The following KATNAL2 variants were observed in gnomAD, a reference collection of about 807,000 sequenced individuals.
KATNAL2 encodes the protein katanin catalytic subunit A1 like 2.
A neutral mutation model predicts 76.3 loss-of-function variants in KATNAL2; 52 were observed. That is an observed-to-expected ratio of 0.68 (90% confidence interval 0.55 to 0.86). The LOEUF (loss-of-function observed/expected upper bound fraction) is 0.86, where lower values mean the gene tolerates loss of function less well. Ranked by LOEUF, KATNAL2 falls within the 40% of genes least tolerant of loss-of-function variation. The probability of loss-of-function intolerance (pLI) is 0.00; values close to 1 mark genes in which losing one functional copy is unlikely to be tolerated. For missense variants in KATNAL2, 660 were observed against 668.9 expected (o/e 0.99, Z 0.15); for synonymous variants, 243 against 244.2 (o/e 1.00, Z 0.05).
chr18:47,084,248 C>T, intron 15 of KATNAL2: 1 of 677,880 alleles, frequency 1.5e-6, no homozygotes, highest in East Asian at 2.7e-5. Flanking sequence ...TACATGAACC[C>T]TCTCCTGCTG....
intron 1 of KATNAL2, among the ~76,000 whole-genome samples, chr18:46,929,981 G>A (rs1259680667): frequency 6.6e-6 from 1 of 152,006 alleles, no homozygotes; most frequent in Non-Finnish European, 1.5e-5. Flanking sequence ...CACCATGTTG[G>A]CCAGGCTGGT....
At chr18:46,930,305 C>G (rs946083162) in intron 1 of KATNAL2, among the ~76,000 whole-genome samples, 5 of 152,176 alleles carry the variant, frequency 3.3e-5, no homozygotes, top group Admixed American at 6.5e-5. Context: ...CTATATGCCT[C>G]TTTTTACATA....
At chr18:47,095,655 T>A (rs983436214) in intron 15 of KATNAL2, among the ~76,000 whole-genome samples, 8 of 152,248 alleles carry the variant, frequency 5.3e-5, no homozygotes. Flanking sequence ...ACAGACAGCC[T>A]TCTGTTGGAA....
Position 47,101,946 on chromosome 18 carries a change from C to G in KATNAL2, c.*941C>G, listed in dbSNP as rs1346679497. ...TGAAGGCTTCTACTAAGTAATGCCA[C>G]TTCTTTTCCCCCACTAGAACTTACC... is the stretch of plus-strand genomic sequence containing the variant. On this transcript the variant is annotated 3_prime_UTR_variant, in exon 18 of 18. Transcript: ENST00000683218. The G allele has an allele frequency of 6.6e-6, 1 of 152,208 alleles. No individual in the cohort carries two copies. Among genetic ancestry groups the G allele is most frequent in the Non-Finnish European group, 1.5e-5 (1 of 68,042 alleles). 9.4% of individuals were successfully genotyped at this position (152,208 alleles called of 1,614,324 possible).
chr18:46,948,879 G>A (rs970439354), intron 3 of KATNAL2, among the ~76,000 whole-genome samples: 1 of 129,956 alleles, frequency 7.7e-6, no homozygotes, highest in Non-Finnish European at 1.6e-5. Context: ...GGTGTTGCAA[G>A]TATCTGCATT....
At chr18:46,926,880 T>C (rs1331312537) in intron 1 of KATNAL2, among the ~76,000 whole-genome samples, 1 of 152,128 alleles carries the variant, frequency 6.6e-6, no homozygotes, top group South Asian at 2.1e-4. Flanking sequence ...GGTTTAAAGT[T>C]TGTTTTATCA....
intron 13 of KATNAL2, among the ~76,000 whole-genome samples, chr18:47,070,776 C>G (rs1223723583): frequency 6.6e-6 from 1 of 152,112 alleles, no homozygotes; most frequent in African/African-American, 2.4e-5. Flanking sequence ...ACCTTGATAT[C>G]ATTTTCAAGT....
rs1331277170 is a variant in KATNAL2 at position 47,046,493 on chromosome 18, CT to C, written c.89del (p.Leu30ProfsTer3). Reference protein sequence around the residue: ...MRTEARRKNLLILISHYLTQE... With the variant: ...MRTEARRKNLXILISHYLTQE... The stretch of plus-strand genomic sequence containing the variant: ...GACAGAAGCACGACGAAAAAATCTT[CT>C]CATTTTGATTTCGCATTATTTAACA... On this transcript the variant is annotated frameshift_variant, in exon 4 of 18. Coordinates refer to ENST00000683218, the MANE Select transcript of KATNAL2 (RefSeq NM_001387690.1). LOFTEE classifies it high-confidence loss of function. 7 of 1,535,982 alleles carry C rather than the reference CT, an allele frequency of 4.6e-6. No individual in the cohort carries two copies. The South Asian group carries it at 8.3e-5, about 18-fold the overall frequency.
At chr18:47,082,437 A>T (rs767889501) in intron 15 of KATNAL2, among the ~76,000 whole-genome samples, 7 of 152,218 alleles carry the variant, frequency 4.6e-5, no homozygotes, top group Admixed American at 1.3e-4. Flanking sequence ...TAAACATCAC[A>T]TAGAGATAAG....
rs760313901 is a variant in KATNAL2, at chr18:47,101,017, C to G, written c.*12C>G. On this transcript the variant is annotated 3_prime_UTR_variant, in exon 18 of 18. Transcript: ENST00000683218. Reference sequence around the variant, plus strand: ...TCGAGTCTGTCTGAAACCACATTTACCCTGACCTGGCCACAAAGGCAACCA... The same window carrying G: ...TCGAGTCTGTCTGAAACCACATTTAGCCTGACCTGGCCACAAAGGCAACCA... The G allele has an allele frequency of 6.2e-7, 1 of 1,613,752 alleles. No individual in the cohort carries two copies. The highest frequency in any genetic ancestry group is 8.5e-7 in the Non-Finnish European group (1 of 1,179,862).
chr18:47,048,879 G>A (rs1707483363), intron 4 of KATNAL2, among the ~76,000 whole-genome samples: 1 of 117,580 alleles, frequency 8.5e-6, no homozygotes, highest in Non-Finnish European at 1.6e-5. Flanking sequence ...CTCTCGCCCA[G>A]CCTGGAGTGC....
chr18:47,083,014 C>A (rs894632469), intron 15 of KATNAL2, among the ~76,000 whole-genome samples: 2 of 152,082 alleles, frequency 1.3e-5, no homozygotes, highest in African/African-American at 4.8e-5. Context: ...ATAAATATAC[C>A]ATCATTTAGT....
intron 3 of KATNAL2, chr18:47,032,957 A>T: frequency 6.2e-7 from 1 of 1,613,214 alleles, no homozygotes; most frequent in Non-Finnish European, 8.5e-7. Context: ...TGACTTTGCC[A>T]ATGCAAAAAT....
chr18:46,919,741 C>T, intron 1 of KATNAL2, among the ~76,000 whole-genome samples: 1 of 152,138 alleles, frequency 6.6e-6, no homozygotes, highest in East Asian at 1.9e-4. Context: ...AAATAGTTGG[C>T]CTTGTATTTG....
intron 3 of KATNAL2, among the ~76,000 whole-genome samples, chr18:46,961,689 T>C (rs56974235): frequency 1.3e-5 from 2 of 152,330 alleles, no homozygotes; most frequent in African/African-American, 2.4e-5. Context: ...CCACCAATTT[T>C]TGAAAATCTA....
chr18:46,957,650 C>T (rs1299769140), intron 3 of KATNAL2, among the ~76,000 whole-genome samples: 1 of 150,036 alleles, frequency 6.7e-6, no homozygotes, highest in Non-Finnish European at 1.5e-5. Context: ...GAAACCTCTG[C>T]CTCCCAGGTT....
chr18:47,057,723 G>A (rs1599696680), intron 6 of KATNAL2, among the ~76,000 whole-genome samples: 1 of 152,168 alleles, frequency 6.6e-6, no homozygotes, highest in East Asian at 1.9e-4. Context: ...CCCTTTTGAT[G>A]TTTATTACTC....
intron 1 of KATNAL2, among the ~76,000 whole-genome samples, chr18:46,926,978 C>A (rs1194829696): frequency 6.6e-6 from 1 of 152,108 alleles, no homozygotes; most frequent in African/African-American, 2.4e-5. Context: ...CTATGTGTGT[C>A]TCTGCATGTG....
Position 46,957,551 on chromosome 18 carries a change from G to GC in KATNAL2, c.51+10630dup, listed in dbSNP as rs1330445321. ...TTACAGGCGTGAACCACCGCGCCTG[G>GC]CCTTTTTTTTTTTTTTTTTTTTTTT... On this transcript the variant is annotated intron_variant, in intron 3 of 17. Coordinates refer to ENST00000683218, the MANE Select transcript of KATNAL2 (RefSeq NM_001387690.1). Among the ~76,000 whole-genome samples, 805 of 108,576 alleles carry GC rather than the reference G, an allele frequency of 7.4e-3. 135 individuals are homozygous for GC. Among genetic ancestry groups the GC allele is most frequent in the South Asian group, 0.019 (61 of 3,222 alleles). The allele number at this position is 108,576 out of a possible 152,430, so 71.2% of individuals were successfully genotyped here.
Sources: allele counts gnomAD v4.1 joint callset (sites outside exome capture counted in the v4.1 genomes callset), GRCh38; gene constraint gnomAD v4.1.1; transcripts MANE v1.5; gene names NCBI Gene and HGNC (gene_info 2026-07-23, HGNC 2026-07-21).